PLXDC2: variants seen among roughly 807,000 people sequenced by gnomAD.
PLXDC2 encodes the protein plexin domain containing 2, also known as plexin domain-containing protein 2.
PLXDC2 carries 40 observed loss-of-function variants against 68.9 expected under a neutral mutation model. The ratio of observed to expected loss-of-function variants is 0.58; its 90% CI spans 0.45 to 0.76. PLXDC2 has a LOEUF of 0.76. PLXDC2 is among the 30% of genes least tolerant of loss of function. The pLI is 0.00. For synonymous variants in PLXDC2, 243 were observed against 234.2 expected (o/e 1.04, Z -0.34); for missense variants, 644 against 661.9 (o/e 0.97, Z 0.30).
chr10:20,162,228 T>C (rs975607732), intron 6 of PLXDC2, among the ~76,000 whole-genome samples: 4 of 152,034 alleles, frequency 2.6e-5, no homozygotes, highest in Non-Finnish European at 4.4e-5. Flanking sequence ...GAGTGGAGAA[T>C]GCATCTGGGA....
At chr10:20,126,896 T>C (rs1833799943) in intron 4 of PLXDC2, among the ~76,000 whole-genome samples, 5 of 147,900 alleles carry the variant, frequency 3.4e-5, no homozygotes, top group South Asian at 4.2e-4. Context: ...TACTATATAA[T>C]ATATGTATAT....
intron 3 of PLXDC2, among the ~76,000 whole-genome samples, chr10:20,056,971 TA>T (rs941316621): frequency 5.3e-5 from 8 of 152,136 alleles, no homozygotes; most frequent in Non-Finnish European, 1.0e-4. Flanking sequence ...TAAAGCCTGC[TA>T]AAAGGGAGAC....
At chr10:19,906,401 C>T (rs1440731551) in intron 1 of PLXDC2, among the ~76,000 whole-genome samples, 1 of 152,104 alleles carries the variant, frequency 6.6e-6, no homozygotes, top group African/African-American at 2.4e-5. Flanking sequence ...TGGACAAGAG[C>T]TTGTATTATG....
At chr10:20,184,603 T>A (rs1834654891) in intron 9 of PLXDC2, among the ~76,000 whole-genome samples, 1 of 151,842 alleles carries the variant, frequency 6.6e-6, no homozygotes, top group Admixed American at 6.6e-5. Flanking sequence ...TGCATTCATA[T>A]CATATGCTCA....
At chr10:19,936,768 T>C (rs982000344) in intron 1 of PLXDC2, among the ~76,000 whole-genome samples, 3 of 152,184 alleles carry the variant, frequency 2.0e-5, no homozygotes, top group African/African-American at 7.2e-5. Flanking sequence ...ATCATTTGCC[T>C]TAGAATGTGA....
chr10:20,285,675 T>G lies in PLXDC2; in HGVS notation c.*5856T>G, dbSNP rs1262934092. On this transcript the variant is annotated 3_prime_UTR_variant, in exon 14 of 14. Transcript: ENST00000377252. ...ACTGACCAGATGCAACAGTTGAAGTTTGATTTCTCGACCCAATATTTCTAT... is the reference window on the plus strand; with the variant it reads ...ACTGACCAGATGCAACAGTTGAAGTGTGATTTCTCGACCCAATATTTCTAT... 1.3e-5 allele frequency: 2 copies of G among 152,202 alleles called. No individual in the cohort carries two copies. The highest frequency in any genetic ancestry group is 4.8e-5 in the African/African-American group (2 of 41,442). 9.4% of individuals were successfully genotyped at this position (152,202 alleles called of 1,614,324 possible).
intron 1 of PLXDC2, among the ~76,000 whole-genome samples, chr10:19,837,409 A>AGAGAGTGTGT (rs1334263958): frequency 1.2e-5 from 1 of 82,488 alleles, no homozygotes; most frequent in East Asian, 4.3e-4. Flanking sequence ...AGAGAGAGAG[A>AGAGAGTGTGT]GTGTGTGTGT....
chr10:19,939,040 G>A (rs1833773048), intron 1 of PLXDC2, among the ~76,000 whole-genome samples: 1 of 152,148 alleles, frequency 6.6e-6, no homozygotes, highest in African/African-American at 2.4e-5. Context: ...ATAACGATGA[G>A]GGAGTAATAT....
At chr10:20,139,718 G>C (rs567182434) in intron 4 of PLXDC2, among the ~76,000 whole-genome samples, 3 of 152,232 alleles carry the variant, frequency 2.0e-5, no homozygotes, top group South Asian at 4.1e-4. Flanking sequence ...TGTGGATGAA[G>C]CTGGAAACCA....
At chr10:20,172,512 T>G (rs1263996397) in intron 7 of PLXDC2, among the ~76,000 whole-genome samples, 1 of 152,186 alleles carries the variant, frequency 6.6e-6, no homozygotes, top group Non-Finnish European at 1.5e-5. Context: ...TGATGCATAA[T>G]ACTTTACATA....
chr10:20,053,866 C>T (rs571090783), intron 3 of PLXDC2, among the ~76,000 whole-genome samples: 5 of 152,104 alleles, frequency 3.3e-5, no homozygotes, highest in South Asian at 4.2e-4. Context: ...TTTACTGCCT[C>T]GCAGTGCGTT....
In PLXDC2 at chr10:19,852,425, C is replaced by CAAA. The variant is rs61430454; in HGVS notation, c.112+35272_112+35274dup. 3.4e-4 allele frequency among the ~76,000 whole-genome samples: 21 copies of CAAA among 61,936 alleles called. 2 individuals are homozygous for CAAA. Among genetic ancestry groups the CAAA allele is most frequent in the South Asian group, 6.4e-4 (1 of 1,562 alleles). The allele number at this position is 61,936 out of a possible 152,430, so 40.6% of individuals were successfully genotyped here. A position where few individuals can be genotyped will look rare whatever the true frequency, so the allele number is the denominator to read the frequency against. The stretch of plus-strand genomic sequence containing the variant: ...TGGGTGACAGAGCAAGACCCTGTCT[C>CAAA]AAAAAAAAAAAAAAAAAAAAAAAAA... On this transcript the variant is annotated intron_variant, in intron 1 of 13. Coordinates refer to ENST00000377252, the MANE Select transcript of PLXDC2 (RefSeq NM_032812.9).
intron 13 of PLXDC2, among the ~76,000 whole-genome samples, chr10:20,268,805 A>G (rs1447133010): frequency 6.6e-6 from 1 of 152,228 alleles, no homozygotes; most frequent in Non-Finnish European, 1.5e-5. Context: ...CCAGTGCAGC[A>G]CTATCTTGTC....
chr10:19,929,450 A>G (rs755451912), intron 1 of PLXDC2, among the ~76,000 whole-genome samples: 18 of 152,282 alleles, frequency 1.2e-4, no homozygotes, highest in Non-Finnish European at 2.1e-4. Context: ...TAGATTGTCA[A>G]GAGAATCTCC....
At chr10:20,030,183 C>A (rs916063840) in intron 2 of PLXDC2, among the ~76,000 whole-genome samples, 1 of 131,088 alleles carries the variant, frequency 7.6e-6, no homozygotes, top group African/African-American at 2.7e-5. Context: ...GACAGCTCAA[C>A]GGCTCAGGAA....
chr10:20,004,546 A>G (rs1162215132), intron 2 of PLXDC2, among the ~76,000 whole-genome samples: 2 of 152,282 alleles, frequency 1.3e-5, no homozygotes, highest in South Asian at 2.1e-4. Flanking sequence ...ATTGAAAGGG[A>G]AAAACACATC....
intron 4 of PLXDC2, among the ~76,000 whole-genome samples, chr10:20,135,179 T>C (rs1331829640): frequency 2.6e-5 from 4 of 152,218 alleles, no homozygotes; most frequent in Admixed American, 2.0e-4. Context: ...ATTGCTGCCA[T>C]TACTCTACCT....
intron 6 of PLXDC2, among the ~76,000 whole-genome samples, chr10:20,151,379 C>T (rs192080850): frequency 1.3e-5 from 2 of 152,096 alleles, no homozygotes; most frequent in Non-Finnish European, 2.9e-5. Flanking sequence ...TTTACAATAG[C>T]GGTGGTACAT....
At chr10:20,177,468 A>C in intron 9 of PLXDC2, 59 bp downstream of exon 9, 1 of 934,128 alleles carries the variant, frequency 1.1e-6, no homozygotes, top group East Asian at 3.8e-5. Flanking sequence ...AAAAGATTAG[A>C]AATTAAAAAT....
Sources: gnomAD v4.1 joint callset for allele counts (sites outside exome capture counted in the v4.1 genomes callset) on GRCh38, gnomAD v4.1.1 for gene constraint, MANE v1.5 for transcripts, NCBI Gene and HGNC (gene_info 2026-07-23, HGNC 2026-07-21) for gene names.